GCNT1: variants seen among roughly 807,000 people sequenced by gnomAD.
GCNT1 encodes beta-1,3-galactosyl-O-glycosyl-glycoprotein beta-1,6-N-acetylglucosaminyltransferase.
In GCNT1, 16 loss-of-function variants were observed where a neutral mutation model predicts 26.2. The ratio of observed to expected loss-of-function variants is 0.61; its 90% CI spans 0.41 to 0.93. The LOEUF is 0.93. GCNT1 is among the 40% of genes least tolerant of loss of function. GCNT1 has a pLI of 0.00. For synonymous variants in GCNT1, 183 were observed against 190.8 expected (o/e 0.96, Z 0.34); for missense variants, 477 against 526.7 (o/e 0.91, Z 0.92).
the GCNT1 span, chr9:76,398,653 G>A: frequency 2.3e-5 from 23 of 987,320 alleles, no homozygotes; most frequent in East Asian, 2.3e-4. Context: ...GGGCCCATAC[G>A]GCGTTGTTCT....
At chr9:76,485,881 C>T (rs62565120) in intron 2 of GCNT1, among the ~76,000 whole-genome samples, 10,733 of 152,230 alleles carry the variant, frequency 0.071, 505 homozygotes, top group Non-Finnish European at 0.099. Flanking sequence ...TACAGGTGTG[C>T]GCCACCACAT....
chr9:76,469,714 G>A lies in GCNT1; in HGVS notation c.-290+9537G>A, dbSNP rs887086107. The stretch of plus-strand genomic sequence containing the variant: ...CTGATCCAGCGAGGCGCCCATTGCC[G>A]CTCCCGATCGGGCTAAAGGCTTGCC... On this transcript the variant is annotated intron_variant, in intron 2 of 3. Coordinates refer to ENST00000376730, the MANE Select transcript of GCNT1 (RefSeq NM_001490.5). Among the ~76,000 whole-genome samples the A allele has an allele frequency of 4.6e-5, 7 of 152,184 alleles. 1 individual carries two copies. The highest frequency in any genetic ancestry group is 2.6e-4 in the Admixed American group (4 of 15,258).
the GCNT1 span, among the ~76,000 whole-genome samples, chr9:76,397,211 G>A: frequency 2.0e-5 from 3 of 152,250 alleles, no homozygotes; most frequent in East Asian, 3.9e-4. Context: ...GAACCCAGGA[G>A]GCGGAGGTTG....
At chr9:76,426,543 G>A (rs1197382844) in intron 1 of GCNT1, among the ~76,000 whole-genome samples, 1 of 152,022 alleles carries the variant, frequency 6.6e-6, no homozygotes, top group Non-Finnish European at 1.5e-5. Flanking sequence ...ACTCCAGATT[G>A]GGTGACAGAG....
chr9:76,507,058 A>C lies in GCNT1; in HGVS notation c.*3390A>C, dbSNP rs1267863256. 6.0e-6 allele frequency: 1 copy of C among 167,056 alleles called. No homozygotes were observed. The highest frequency in any genetic ancestry group is 1.5e-5 in the Non-Finnish European group (1 of 68,100). 10.3% of individuals were successfully genotyped at this position (167,056 alleles called of 1,614,324 possible). A position where few individuals can be genotyped will look rare whatever the true frequency, so the allele number is the denominator to read the frequency against. ...AGCCAAGCCTACCTTAAATGTTCTC[A>C]GAACATTTAGCCTGCAGTTGGGCAA... On this transcript the variant is annotated 3_prime_UTR_variant, in exon 4 of 4. Transcript: ENST00000376730.
chr9:76,413,653 G>GTTTTTGTTTTTTTGTTT, the GCNT1 span, among the ~76,000 whole-genome samples: 2 of 118,664 alleles, frequency 1.7e-5, no homozygotes, highest in African/African-American at 6.1e-5. Flanking sequence ...GTTTTGTTTT[G>GTTTTTGTTTTTTTGTTT]TTTTTTTTTT....
chr9:76,439,223 C>CTTTTTTT (rs71499153), upstream of GCNT1, among the ~76,000 whole-genome samples: 288 of 120,044 alleles, frequency 2.4e-3, no homozygotes, highest in Non-Finnish European at 3.5e-3. Context: ...TTTTCTTTTT[C>CTTTTTTT]TTTTTTTTTT....
In GCNT1 at chr9:76,502,612, C is replaced by T; in HGVS notation, c.231C>T (p.Ile77=). The T allele has an allele frequency of 6.2e-7, 1 of 1,613,596 alleles. No homozygotes were observed. Among genetic ancestry groups the T allele is most frequent in the South Asian group, 1.1e-5 (1 of 91,054 alleles). ...VNEIQKVKLE[I]LTVKFKKRPR... is the part of the protein sequence containing the mutation. ...AAATCCAAAAGGTAAAGCTTGAGAT[C>T]CTAACAGTGAAATTTAAAAAGCGCC... is the stretch of plus-strand genomic sequence containing the variant. Residue 77 remains isoleucine, a synonymous_variant, in exon 4 of 4, where the codon ATC becomes ATT. Transcript: ENST00000376730.
the GCNT1 span, chr9:76,398,931 C>G: frequency 6.5e-7 from 1 of 1,529,772 alleles, no homozygotes. Flanking sequence ...AGTGTTATAT[C>G]CTCCAGGAAT....
intron 2 of GCNT1, among the ~76,000 whole-genome samples, chr9:76,467,671 C>A (rs1440797108): frequency 1.3e-5 from 2 of 152,188 alleles, no homozygotes; most frequent in East Asian, 3.9e-4. Context: ...CTGTGTTGAG[C>A]TCCAGCCCCT....
chr9:76,503,397 G>A lies in GCNT1; in HGVS notation c.1016G>A (p.Ser339Asn), dbSNP rs1365848813. 6.2e-7 allele frequency: 1 copy of A among 1,614,140 alleles called. No individual in the cohort carries two copies. Among genetic ancestry groups the A allele is most frequent in the African/African-American group, 1.3e-5 (1 of 75,032 alleles). ...GAAGTCCCGGGCTCACTCCCTGCCA[G>A]CCATAAGTATGATCTGTCTGACATG... ...IPEVPGSLPASHKYDLSDMQA... is the reference protein window; with the variant it reads ...IPEVPGSLPANHKYDLSDMQA... Residue 339 changes from serine (S) to asparagine (N), a missense_variant, in exon 4 of 4, where the codon AGC (serine) becomes AAC (asparagine). By Grantham distance (46) the Ser-to-Asn change is conservative (BLOSUM62 1). Transcript: ENST00000376730.
At chr9:76,415,177 C>G (rs1219217502), upstream of GCNT1, among the ~76,000 whole-genome samples, 3 of 152,130 alleles carry the variant, frequency 2.0e-5, no homozygotes, top group Non-Finnish European at 4.4e-5. Context: ...TCCACCTCAG[C>G]CTCCTGTGTA....
the GCNT1 span, among the ~76,000 whole-genome samples, chr9:76,398,334 C>T: frequency 2.6e-5 from 4 of 152,102 alleles, no homozygotes; most frequent in Non-Finnish European, 4.4e-5. Flanking sequence ...CATCATATAT[C>T]GTGAGGGAAA....
intron 2 of GCNT1, among the ~76,000 whole-genome samples, chr9:76,494,095 C>T (rs547176121): frequency 3.4e-4 from 51 of 152,150 alleles, no homozygotes; most frequent in Admixed American, 1.7e-3. Context: ...GAACCCATAA[C>T]GGTCCCTGGA....
rs113274175 is a variant in GCNT1, at chr9:76,503,666, T to G, written c.1285T>G (p.Ter429GlyextTer7). 4 of 1,608,778 alleles carry G rather than the reference T, an allele frequency of 2.5e-6. No individual in the cohort carries two copies. The Admixed American group carries it at 5.0e-5, about 20-fold the overall frequency. ...RHKALETLKH[*>G] The stretch of plus-strand genomic sequence containing the variant: ...CAAAGCTTTGGAGACATTAAAACAC[T>G]GACCATTACGGGCAATTTTATGAAC... The change falls in exon 4 of 4, where the codon TGA becomes GGA. Residue 429 changes from the stop codon to glycine (G), a stop_lost. Coordinates refer to ENST00000376730, the MANE Select transcript of GCNT1 (RefSeq NM_001490.5).
chr9:76,416,290 T>G (rs1168479225), upstream of GCNT1, among the ~76,000 whole-genome samples: 2 of 152,140 alleles, frequency 1.3e-5, no homozygotes, highest in African/African-American at 4.8e-5. Context: ...CAGCTGCCCA[T>G]CCCACTAAGA....
At chr9:76,432,530 G>C (rs932917557) in intron 1 of GCNT1, among the ~76,000 whole-genome samples, 1 of 151,998 alleles carries the variant, frequency 6.6e-6, no homozygotes, top group Non-Finnish European at 1.5e-5. Context: ...TATAGAGACA[G>C]GGTTTCGCCA....
At chr9:76,470,485 G>A (rs1401233893) in intron 2 of GCNT1, among the ~76,000 whole-genome samples, 2 of 151,620 alleles carry the variant, frequency 1.3e-5, no homozygotes, top group Non-Finnish European at 2.9e-5. Flanking sequence ...TGCGTCTGTA[G>A]TCCCAGCTAC....
chr9:76,481,424 T>A (rs575928353), intron 2 of GCNT1, among the ~76,000 whole-genome samples: 31 of 149,418 alleles, frequency 2.1e-4, no homozygotes, highest in Admixed American at 1.8e-3. Context: ...TTTTTTTTTT[T>A]AAGCTCATCA....
Sources: gnomAD v4.1 joint callset for allele counts (sites outside exome capture counted in the v4.1 genomes callset) on GRCh38, gnomAD v4.1.1 for gene constraint, MANE v1.5 for transcripts, NCBI Gene and HGNC (gene_info 2026-07-23, HGNC 2026-07-21) for gene names.